DCUN1D5: variants seen among roughly 807,000 people sequenced by gnomAD.
DCUN1D5 encodes the protein defective in cullin neddylation 1 domain containing 5, also known as DCN1-like protein 5.
A neutral mutation model predicts 38.3 loss-of-function variants in DCUN1D5; 10 were observed. The ratio of observed to expected loss-of-function variants is 0.26; its 90% CI spans 0.16 to 0.44. DCUN1D5 has a LOEUF of 0.44. Among genes scored for constraint, DCUN1D5 ranks in the 20% least tolerant of loss-of-function variants. The pLI is 1.00. For missense variants in DCUN1D5, 148 were observed against 275.3 expected (o/e 0.54, Z 3.27); for synonymous variants, 93 against 90.9 (o/e 1.02, Z -0.13).
At position 103,058,965 on chromosome 11, in the gene DCUN1D5, C is replaced by CT. The variant is rs56096955; in HGVS notation, c.*3393dup. Among the ~76,000 whole-genome samples the CT allele has an allele frequency of 0.03, 4,266 of 143,322 alleles. 90 individuals carry two copies. The highest frequency in any genetic ancestry group is 0.12 in the Middle Eastern group (32 of 276). The allele number at this position is 143,322 out of a possible 152,430, so 94.0% of individuals were successfully genotyped here. ...TAACAAAGAAAGGCATTTAGTTTTC[C>CT]TTTTTTTTTTTTATTAAAATGCCCT... is the stretch of plus-strand genomic sequence containing the variant. On this transcript the variant is annotated 3_prime_UTR_variant, in exon 8 of 8. Transcript: ENST00000260247.
rs1862722854 is a variant in DCUN1D5 at position 103,086,870 on chromosome 11, C to G, written c.178+2357G>C. Among the ~76,000 whole-genome samples, 1 of 151,332 alleles carries G rather than the reference C, an allele frequency of 6.6e-6. No individual in the cohort carries two copies. The highest frequency in any genetic ancestry group is 1.5e-5 in the Non-Finnish European group (1 of 67,844). On this transcript the variant is annotated intron_variant, in intron 2 of 7. Coordinates refer to ENST00000260247, the MANE Select transcript of DCUN1D5 (RefSeq NM_032299.4). This position sits in a 1 kb window ranked among gnomAD's most constrained non-coding sequence, Gnocchi z 4.1. ...ATCTATTATAATAAAATGTTTATAA[C>G]TATATATAAACATTATAAAATTTAA... is the stretch of plus-strand genomic sequence containing the variant.
At chr11:103,089,597 G>C (rs571599121) in intron 1 of DCUN1D5, among the ~76,000 whole-genome samples, 2 of 152,130 alleles carry the variant, frequency 1.3e-5, no homozygotes, top group East Asian at 1.9e-4. Flanking sequence ...AGACTACAAA[G>C]AAGTTCAACC....
intron 4 of DCUN1D5, among the ~76,000 whole-genome samples, chr11:103,079,720 T>A (rs1174920437): frequency 6.6e-6 from 1 of 151,674 alleles, no homozygotes; most frequent in Non-Finnish European, 1.5e-5. Context: ...GGAGATTAGG[T>A]TGCAGTGAGC....
chr11:103,075,668 C>T (rs954988272), intron 4 of DCUN1D5, among the ~76,000 whole-genome samples: 14 of 152,170 alleles, frequency 9.2e-5, no homozygotes, highest in Admixed American at 2.0e-4. Context: ...CGTGAGCCAC[C>T]GGGCCTGGCC....
In DCUN1D5 at chr11:103,059,824, A is replaced by C. The variant is rs1022497546; in HGVS notation, c.*2535T>G. ...TCTCCCAGTAGTATTACATTTGTATAATATTCTTATAGAAACAACTCAACT... is the reference window on the plus strand; with the variant it reads ...TCTCCCAGTAGTATTACATTTGTATCATATTCTTATAGAAACAACTCAACT... On this transcript the variant is annotated 3_prime_UTR_variant, in exon 8 of 8. Transcript: ENST00000260247. Among the ~76,000 whole-genome samples the C allele has an allele frequency of 6.6e-6, 1 of 152,108 alleles. No individual in the cohort carries two copies. Among genetic ancestry groups the C allele is most frequent in the African/African-American group, 2.4e-5 (1 of 41,412 alleles).
rs1031984896 is a variant in DCUN1D5, at chr11:103,078,738, T to C, written c.341+4010A>G. The stretch of plus-strand genomic sequence containing the variant: ...AATCAAACTACTTCCTTCAAACATA[T>C]GCTTTCCTTCCTCAAGGTCCTGCTC... On this transcript the variant is annotated intron_variant, in intron 4 of 7. Transcript: ENST00000260247. The surrounding 1 kb of genome is among the most constrained non-coding windows in gnomAD (Gnocchi z 4.6). Among the ~76,000 whole-genome samples the C allele has an allele frequency of 3.3e-5, 5 of 152,228 alleles. No individual in the cohort carries two copies. The highest frequency in any genetic ancestry group is 1.9e-4 in the East Asian group (1 of 5,202).
At position 103,077,081 on chromosome 11, in the gene DCUN1D5, T is replaced by G. The variant is rs1197832317; in HGVS notation, c.341+5667A>C. Among the ~76,000 whole-genome samples the G allele has an allele frequency of 1.3e-5, 2 of 152,054 alleles. No homozygotes were observed. The highest frequency in any genetic ancestry group is 1.3e-4 in the Admixed American group (2 of 15,266). ...TGGGTGTGGTGGCGGGTGCCTGTAG[T>G]CCCAGCTACTCAGGAGTCTGAAGCA... On this transcript the variant is annotated intron_variant, in intron 4 of 7. Coordinates refer to ENST00000260247, the MANE Select transcript of DCUN1D5 (RefSeq NM_032299.4). The surrounding 1 kb of genome is among the most constrained non-coding windows in gnomAD (Gnocchi z 4.3).
chr11:103,090,816 G>A (rs1013586759), intron 1 of DCUN1D5, among the ~76,000 whole-genome samples: 3 of 152,206 alleles, frequency 2.0e-5, no homozygotes, highest in Admixed American at 2.0e-4. Context: ...GGAGGCTGAG[G>A]CAGGAGAATC....
intron 4 of DCUN1D5, among the ~76,000 whole-genome samples, chr11:103,074,655 C>G (rs1862364780): frequency 6.6e-6 from 1 of 152,188 alleles, no homozygotes; most frequent in African/African-American, 2.4e-5. Flanking sequence ...TGGCCCATCT[C>G]AGCCTCCCAA....
chr11:103,072,275 T>C (rs1565287922), intron 4 of DCUN1D5, among the ~76,000 whole-genome samples: 1 of 149,262 alleles, frequency 6.7e-6, no homozygotes, highest in Non-Finnish European at 1.5e-5. Context: ...ACACTGTTGG[T>C]GGGACTGTAA....
chr11:103,067,867 T>G (rs1862171300), intron 4 of DCUN1D5, among the ~76,000 whole-genome samples: 1 of 152,144 alleles, frequency 6.6e-6, no homozygotes, highest in South Asian at 2.1e-4. Flanking sequence ...AACAAGATTG[T>G]AGTACATAAG....
rs1469686831 is a variant in DCUN1D5 at position 103,058,197 on chromosome 11, A to G, written c.*4162T>C. Reference sequence around the variant, plus strand: ...AAACCATGTAAAAATGAGCCATATTATAAGAGGTTCTAATACATGACACAG... The same window carrying G: ...AAACCATGTAAAAATGAGCCATATTGTAAGAGGTTCTAATACATGACACAG... On this transcript the variant is annotated 3_prime_UTR_variant, in exon 8 of 8. Coordinates refer to ENST00000260247, the MANE Select transcript of DCUN1D5 (RefSeq NM_032299.4). 6.6e-6 allele frequency among the ~76,000 whole-genome samples: 1 copy of G among 152,022 alleles called. No homozygotes were observed. Among genetic ancestry groups the G allele is most frequent in the Non-Finnish European group, 1.5e-5 (1 of 68,018 alleles).
At chr11:103,089,193 T>C (rs756450366) in intron 2 of DCUN1D5, 34 bp downstream of exon 2, 4 of 1,595,256 alleles carry the variant, frequency 2.5e-6, no homozygotes, top group Non-Finnish European at 2.6e-6. Context: ...TTTTAAAGCA[T>C]ATGACTAGTA....
chr11:103,081,597 T>C (rs1439535539), intron 4 of DCUN1D5, among the ~76,000 whole-genome samples: 1 of 152,142 alleles, frequency 6.6e-6, no homozygotes, highest in Non-Finnish European at 1.5e-5. Flanking sequence ...ATCAGGAAAT[T>C]TGAATTCTAG....
rs1268489683 is a variant in DCUN1D5, at chr11:103,083,772, T to C, written c.179-446A>G. On this transcript the variant is annotated intron_variant, in intron 2 of 7. Coordinates refer to ENST00000260247, the MANE Select transcript of DCUN1D5 (RefSeq NM_032299.4). This position sits in a 1 kb window ranked among gnomAD's most constrained non-coding sequence, Gnocchi z 4.4. ...TAATCAGAAGGGGAATATATTTACC[T>C]ATAAAACAGGCCATTTATTACCCTT... Among the ~76,000 whole-genome samples, 2 of 152,160 alleles carry C rather than the reference T, an allele frequency of 1.3e-5. No homozygotes were observed. Among genetic ancestry groups the C allele is most frequent in the African/African-American group, 4.8e-5 (2 of 41,460 alleles).
chr11:103,070,637 T>G (rs1233981700), intron 4 of DCUN1D5, among the ~76,000 whole-genome samples: 1 of 152,092 alleles, frequency 6.6e-6, no homozygotes, highest in Non-Finnish European at 1.5e-5. Flanking sequence ...TAGTTGGATA[T>G]TTCACCACCC....
intron 4 of DCUN1D5, among the ~76,000 whole-genome samples, chr11:103,072,420 C>T (rs1157189771): frequency 6.7e-6 from 1 of 148,310 alleles, no homozygotes; most frequent in Admixed American, 6.7e-5. Context: ...GGCATATACC[C>T]AAAGGATTAT....
At chr11:103,067,810 G>T (rs970134164) in intron 4 of DCUN1D5, among the ~76,000 whole-genome samples, 1 of 152,118 alleles carries the variant, frequency 6.6e-6, no homozygotes, top group Non-Finnish European at 1.5e-5. Flanking sequence ...GTTCCTAAGT[G>T]AGACTAGCTT....
intron 4 of DCUN1D5, among the ~76,000 whole-genome samples, chr11:103,080,876 G>A (rs1328572867): frequency 6.6e-6 from 1 of 152,104 alleles, no homozygotes; most frequent in African/African-American, 2.4e-5. Flanking sequence ...GCCGGGCGTG[G>A]AGGCACACGC....
Sources: allele counts gnomAD v4.1 joint callset (sites outside exome capture counted in the v4.1 genomes callset), GRCh38; gene constraint gnomAD v4.1.1; non-coding constraint Gnocchi (gnomAD v3.1); transcripts MANE v1.5; gene names NCBI Gene and HGNC (gene_info 2026-07-23, HGNC 2026-07-21).